The following NTM variants were observed in gnomAD, a reference collection of about 807,000 sequenced individuals.
The protein encoded by NTM is neurotrimin, also known as IgLON family member 2.
A neutral mutation model predicts 42.1 loss-of-function variants in NTM; 13 were observed. That is an observed-to-expected ratio of 0.31 (90% CI 0.20 to 0.49). The LOEUF (loss-of-function observed/expected upper bound fraction) is 0.49. NTM is among the 20% of genes least tolerant of loss of function. NTM has a pLI of 0.99. For missense variants in NTM, 373 were observed against 452.8 expected (o/e 0.82, Z 1.60); for synonymous variants, 187 against 179.2 (o/e 1.04, Z -0.35).
chr11:132,020,374 AT>A (rs1472646422), intron 2 of NTM, among the ~76,000 whole-genome samples: 1 of 151,926 alleles, frequency 6.6e-6, no homozygotes, highest in Non-Finnish European at 1.5e-5. Flanking sequence ...ACATTTTGCT[AT>A]TTGATTTCTG....
At chr11:131,459,217 T>C (rs1274294909) in intron 1 of NTM, among the ~76,000 whole-genome samples, 4 of 152,260 alleles carry the variant, frequency 2.6e-5, no homozygotes, top group Non-Finnish European at 5.9e-5. Flanking sequence ...GCCACAGGCC[T>C]CTTGCTCTCA....
intron 2 of NTM, among the ~76,000 whole-genome samples, chr11:132,017,264 A>C (rs746962075): frequency 6.6e-6 from 1 of 151,990 alleles, no homozygotes; most frequent in African/African-American, 2.4e-5. Flanking sequence ...AAATATCACA[A>C]TGTTAGTTCA....
At chr11:131,798,337 T>G (rs1198255461) in intron 1 of NTM, among the ~76,000 whole-genome samples, 1 of 152,066 alleles carries the variant, frequency 6.6e-6, no homozygotes, top group Non-Finnish European at 1.5e-5. Flanking sequence ...TTTTTTCTTC[T>G]CCTGCAAGGG....
intron 3 of NTM, among the ~76,000 whole-genome samples, chr11:132,165,727 G>C (rs367595934): frequency 6.6e-6 from 1 of 152,146 alleles, no homozygotes; most frequent in East Asian, 1.9e-4. Flanking sequence ...CTGTGGGGCT[G>C]TTCCATCCCT....
At chr11:131,673,484 T>C (rs2070782900) in intron 1 of NTM, among the ~76,000 whole-genome samples, 1 of 152,206 alleles carries the variant, frequency 6.6e-6, no homozygotes, top group Non-Finnish European at 1.5e-5. Context: ...TGTGTTTCAG[T>C]GTGTGTGTCT....
intron 1 of NTM, among the ~76,000 whole-genome samples, chr11:131,420,377 G>T (rs567272527): frequency 6.6e-6 from 1 of 152,176 alleles, no homozygotes; most frequent in Non-Finnish European, 1.5e-5. Context: ...AGACTCTCTA[G>T]AACCTGCAGG....
intron 7 of NTM, among the ~76,000 whole-genome samples, chr11:132,320,981 AAAACTAAC>A (rs1297853153): frequency 6.6e-6 from 1 of 150,630 alleles, no homozygotes; most frequent in Non-Finnish European, 1.5e-5. Flanking sequence ...TGTTAGAAGG[AAAACTAAC>A]AAACAGAAAG....
At chr11:131,872,811 C>T (rs951150142) in intron 1 of NTM, among the ~76,000 whole-genome samples, 1 of 152,122 alleles carries the variant, frequency 6.6e-6, no homozygotes, top group African/African-American at 2.4e-5. Context: ...ACAATGTTGA[C>T]ACTTAAAACC....
intron 1 of NTM, among the ~76,000 whole-genome samples, chr11:131,562,234 G>A (rs2056330405): frequency 6.6e-6 from 1 of 152,074 alleles, no homozygotes; most frequent in South Asian, 2.1e-4. Flanking sequence ...TCCGCAGTGG[G>A]GGAGGTGAAG....
At chr11:131,826,594 A>C (rs574341440) in intron 1 of NTM, among the ~76,000 whole-genome samples, 13 of 151,006 alleles carry the variant, frequency 8.6e-5, no homozygotes, top group South Asian at 4.2e-4. Flanking sequence ...AAAGTATTCT[A>C]AATGGCGCAG....
At chr11:131,601,782 C>T (rs1025867154) in intron 1 of NTM, among the ~76,000 whole-genome samples, 3 of 152,276 alleles carry the variant, frequency 2.0e-5, no homozygotes, top group Admixed American at 1.3e-4. Flanking sequence ...CATTTTTACT[C>T]CTGTTTATTT....
At position 131,911,580 on chromosome 11, in the gene NTM, C is replaced by T. The variant is rs199589353; in HGVS notation, c.99C>T (p.Ser33=). ...TACCCACAGGAGTGCCCGTGCGCAG[C>T]GGAGATGCCACCTTCCCCAAAGCTA... ...LCLFQGVPVR[S]GDATFPKAMD... The change falls in exon 2 of 9, where the codon AGC becomes AGT. Residue 33 remains serine, a synonymous_variant. Coordinates refer to ENST00000683400, the MANE Select transcript of NTM (RefSeq NM_001352005.2). The T allele has an allele frequency of 2.2e-4, 360 of 1,614,212 alleles. 3 individuals are homozygous for T. In the East Asian group the frequency reaches 7.8e-3, roughly 35 times the overall value.
rs116667385 is a variant in NTM, at chr11:132,263,542, A to T, written c.527-44147A>T. On this transcript the variant is annotated intron_variant, in intron 4 of 8. Transcript: ENST00000683400. ...TTCTTTCTTTTCCAAACATGCTTTT[A>T]CATTTTGTATAATTCGGACCAGCTG... 5.4e-3 allele frequency among the ~76,000 whole-genome samples: 820 copies of T among 152,324 alleles called. 12 individuals carry two copies. The highest frequency in any genetic ancestry group is 0.019 in the African/African-American group (795 of 41,578).
In NTM at chr11:132,002,950, G is replaced by C. The variant is rs2069672125; in HGVS notation, c.167+91302G>C. ...ATTACTATTAAAAAAGAGGAAACAG[G>C]AAAAACCTTTGTCTTCAAGAAGCTT... On this transcript the variant is annotated intron_variant, in intron 2 of 8. Transcript: ENST00000683400. This position sits in a 1 kb window ranked among gnomAD's most constrained non-coding sequence, Gnocchi z 4.5. Among the ~76,000 whole-genome samples the C allele has an allele frequency of 6.6e-6, 1 of 150,720 alleles. No homozygotes were observed. The highest frequency in any genetic ancestry group is 1.5e-5 in the Non-Finnish European group (1 of 68,026).
chr11:131,889,280 C>G (rs2050873350), intron 1 of NTM, among the ~76,000 whole-genome samples: 1 of 152,176 alleles, frequency 6.6e-6, no homozygotes, highest in African/African-American at 2.4e-5. Context: ...CAGGCAGATT[C>G]CACTTCAGCT....
At chr11:131,785,618 G>C (rs371752467) in intron 1 of NTM, among the ~76,000 whole-genome samples, 78 of 152,288 alleles carry the variant, frequency 5.1e-4, no homozygotes, top group African/African-American at 1.8e-3. Flanking sequence ...CGAGGTAAAT[G>C]GTCTCTTCAA....
intron 1 of NTM, among the ~76,000 whole-genome samples, chr11:131,848,555 C>G (rs981484670): frequency 6.6e-6 from 1 of 152,220 alleles, no homozygotes; most frequent in Non-Finnish European, 1.5e-5. Context: ...TTTATAGCAG[C>G]CTCCACTTCA....
chr11:131,878,586 AAAAAAAAAATATATATATATATATAT>A (rs2048893197), intron 1 of NTM, among the ~76,000 whole-genome samples: 1 of 54,894 alleles, frequency 1.8e-5, no homozygotes, highest in African/African-American at 8.2e-5. Context: ...AAAAAAAAAA[AAAAAAAAAATATATATATATATATAT>A]ATATATATAT....
At chr11:131,467,212 G>A (rs1951980782) in intron 1 of NTM, among the ~76,000 whole-genome samples, 1 of 152,216 alleles carries the variant, frequency 6.6e-6, no homozygotes, top group Admixed American at 6.5e-5. Context: ...GGGACAGATG[G>A]GCCAAGAGGG....
Sources: allele counts gnomAD v4.1 joint callset (sites outside exome capture counted in the v4.1 genomes callset), GRCh38; gene constraint gnomAD v4.1.1; non-coding constraint Gnocchi (gnomAD v3.1); transcripts MANE v1.5; gene names NCBI Gene and HGNC (gene_info 2026-07-23, HGNC 2026-07-21).